The following ASIC2 variants were observed in gnomAD, a reference collection of about 807,000 sequenced individuals.
ASIC2 encodes the protein acid-sensing ion channel 2.
ASIC2 carries 25 observed loss-of-function variants against 57.3 expected under a neutral mutation model. The observed-to-expected ratio is 0.44, with a 90% CI of 0.32 to 0.61. ASIC2 has a LOEUF of 0.61. Among genes scored for constraint, ASIC2 ranks in the 20% least tolerant of loss-of-function variants. The probability of loss-of-function intolerance (pLI) is 0.06; values close to 1 mark genes in which losing one functional copy is unlikely to be tolerated. For missense variants in ASIC2, 641 were observed against 738.1 expected (o/e 0.87, Z 1.52); for synonymous variants, 319 against 307.5 (o/e 1.04, Z -0.39).
At chr17:33,509,581 G>T (rs1295585743) in intron 1 of ASIC2, among the ~76,000 whole-genome samples, 1 of 152,192 alleles carries the variant, frequency 6.6e-6, no homozygotes. Flanking sequence ...GGCTGGCGGG[G>T]CTGCGTGCCT....
At chr17:33,637,926 G>A (rs376904092) in intron 1 of ASIC2, among the ~76,000 whole-genome samples, 30 of 152,272 alleles carry the variant, frequency 2.0e-4, no homozygotes, top group East Asian at 1.2e-3. Context: ...GCTAGGGAAC[G>A]GGTGCTGCTG....
At chr17:33,024,111 G>A in intron 5 of ASIC2, 97 bp from the exon 6 acceptor site, 1 of 1,507,186 alleles carries the variant, frequency 6.6e-7, no homozygotes, top group Non-Finnish European at 9.1e-7. Flanking sequence ...AAATGAGCTG[G>A]GAAGGGGCAC....
In ASIC2 at chr17:33,187,420, C is replaced by T. The variant is rs146232376; in HGVS notation, c.709-75353G>A. Among the ~76,000 whole-genome samples the T allele has an allele frequency of 4.1e-3, 628 of 152,192 alleles. 4 individuals carry two copies. Among genetic ancestry groups the T allele is most frequent in the African/African-American group, 0.014 (585 of 41,530 alleles). On this transcript the variant is annotated intron_variant, in intron 1 of 9. Transcript: ENST00000225823. Reference sequence around the variant, plus strand: ...TGCTTTCCAAGAGTTCATTAAATCCCGAAGCATGGATTTTTACACTATAGG... The same window carrying T: ...TGCTTTCCAAGAGTTCATTAAATCCTGAAGCATGGATTTTTACACTATAGG...
chr17:34,118,563 T>A (rs1443086203), intron 1 of ASIC2: 20 of 152,248 alleles, frequency 1.3e-4, no homozygotes, highest in Admixed American at 1.2e-3. Context: ...ATCAGCAGAA[T>A]ATGCATCTGG....
chr17:33,514,476 C>A (rs572674083), intron 1 of ASIC2, among the ~76,000 whole-genome samples: 2 of 152,178 alleles, frequency 1.3e-5, no homozygotes, highest in African/African-American at 4.8e-5. Flanking sequence ...TAGGAACAGG[C>A]CAAAGGGGAG....
chr17:33,661,050 C>T (rs1907244583), intron 1 of ASIC2, among the ~76,000 whole-genome samples: 1 of 152,170 alleles, frequency 6.6e-6, no homozygotes, highest in South Asian at 2.1e-4. Flanking sequence ...GCTAGCCACG[C>T]TCTGACTCTG....
At chr17:33,510,293 A>T (rs1489331945) in intron 1 of ASIC2, among the ~76,000 whole-genome samples, 2 of 152,182 alleles carry the variant, frequency 1.3e-5, no homozygotes, top group Non-Finnish European at 2.9e-5. Context: ...ATTTTTTTAA[A>T]GTGACCCAAC....
rs557788975 is a variant in ASIC2, at chr17:33,806,575, C to T, written c.555+349403G>A. On this transcript the variant is annotated intron_variant, in intron 1 of 9. Coordinates refer to the ASIC2 transcript ENST00000359872. Reference sequence around the variant, plus strand: ...CCTGCTTCTTTAAAGGATATTGCAACGAATTATTTAGCAATGCAAATCTCT... The same window carrying T: ...CCTGCTTCTTTAAAGGATATTGCAATGAATTATTTAGCAATGCAAATCTCT... 3.9e-5 allele frequency among the ~76,000 whole-genome samples: 6 copies of T among 152,330 alleles called. No homozygotes were observed. The South Asian group carries it at 6.2e-4, about 16-fold the overall frequency.
intron 1 of ASIC2, among the ~76,000 whole-genome samples, chr17:33,753,461 T>C (rs916880582): frequency 1.3e-5 from 2 of 152,176 alleles, no homozygotes; most frequent in Non-Finnish European, 2.9e-5. Context: ...ATGTAAACAA[T>C]GGACTTTAGT....
intron 1 of ASIC2, among the ~76,000 whole-genome samples, chr17:33,800,569 A>G (rs1359764572): frequency 6.6e-6 from 1 of 152,162 alleles, no homozygotes; most frequent in Non-Finnish European, 1.5e-5. Context: ...TGACAATCAT[A>G]ATAATCAAGG....
chr17:33,292,118 A>C lies in ASIC2; in HGVS notation c.-3T>G. The C allele has an allele frequency of 1.1e-5, 11 of 1,040,804 alleles. No homozygotes were observed. Among genetic ancestry groups the C allele is most frequent in the Non-Finnish European group, 1.3e-5 (11 of 868,270 alleles). The allele number at this position is 1,040,804 out of a possible 1,614,324, so 64.5% of individuals were successfully genotyped here. A position where few individuals can be genotyped will look rare whatever the true frequency, so the allele number is the denominator to read the frequency against. On this transcript the variant is annotated 5_prime_UTR_variant, in exon 1 of 10. The change abolishes an upstream ATG in the 5' untranslated region. Transcript: ENST00000225823. ...CCGGCTCCGCCAATCCGGCTCATTC[A>C]TTCAGCCCGCGGCTGGCGGCAGCGG...
chr17:33,412,559 C>G (rs551703565), intron 1 of ASIC2, among the ~76,000 whole-genome samples: 3 of 152,324 alleles, frequency 2.0e-5, no homozygotes, highest in Non-Finnish European at 4.4e-5. Context: ...AGGAGAGGCA[C>G]AGTCAGAATT....
At chr17:33,799,426 T>TCTTTCTTC (rs1567719026) in intron 1 of ASIC2, among the ~76,000 whole-genome samples, 2 of 63,584 alleles carry the variant, frequency 3.1e-5, no homozygotes, top group Non-Finnish European at 6.1e-5. Flanking sequence ...TTTCTTTCTT[T>TCTTTCTTC]CTTCTTTCTT....
rs181455884 is a variant in ASIC2, at chr17:33,065,506, G to A, written c.987+23357C>T. Among the ~76,000 whole-genome samples the A allele has an allele frequency of 3.3e-5, 5 of 152,032 alleles. No individual in the cohort carries two copies. In the East Asian group the frequency reaches 7.7e-4, roughly 24 times the overall value. On this transcript the variant is annotated intron_variant, in intron 3 of 9. Coordinates refer to ENST00000225823, the MANE Select transcript of ASIC2 (RefSeq NM_183377.2). ...TATTTTTTATTTTGTTGTAGAGTTG[G>A]GGGTCTTGCTTTGTCGCCCAGGCTG...
At chr17:33,047,852 T>G (rs945127718) in intron 3 of ASIC2, among the ~76,000 whole-genome samples, 1 of 152,206 alleles carries the variant, frequency 6.6e-6, no homozygotes, top group Admixed American at 6.5e-5. Flanking sequence ...TTGAATGCTT[T>G]GACAATTAGG....
rs1911838627 is a variant in ASIC2 at position 33,441,948 on chromosome 17, C to A, written c.556-329881G>T. On this transcript the variant is annotated intron_variant, in intron 1 of 9. Coordinates refer to the ASIC2 transcript ENST00000359872. Reference sequence around the variant, plus strand: ...TTGGGTGACTCAGGCGTAAACACAGCAATGAGTGAGAAAATATATTTCTTT... The same window carrying A: ...TTGGGTGACTCAGGCGTAAACACAGAAATGAGTGAGAAAATATATTTCTTT... 3.9e-5 allele frequency among the ~76,000 whole-genome samples: 6 copies of A among 152,172 alleles called. No individual in the cohort carries two copies. The South Asian group carries it at 1.2e-3, about 32-fold the overall frequency.
chr17:33,463,682 T>C (rs896124905), intron 1 of ASIC2, among the ~76,000 whole-genome samples: 1 of 150,644 alleles, frequency 6.6e-6, no homozygotes, highest in African/African-American at 2.4e-5. Flanking sequence ...TGGAACTAGA[T>C]AGACTCTCAG....
At chr17:33,653,815 C>G (rs1231648566) in intron 1 of ASIC2, among the ~76,000 whole-genome samples, 2 of 152,172 alleles carry the variant, frequency 1.3e-5, no homozygotes, top group African/African-American at 2.4e-5. Context: ...CACTTATGAT[C>G]TGTAAATATT....
chr17:33,712,138 C>T (rs1185590070), intron 1 of ASIC2, among the ~76,000 whole-genome samples: 1 of 152,164 alleles, frequency 6.6e-6, no homozygotes, highest in African/African-American at 2.4e-5. Context: ...AGGAGCTAAT[C>T]CCTGTCTTCT....
Sources: allele counts gnomAD v4.1 joint callset (sites outside exome capture counted in the v4.1 genomes callset), GRCh38; gene constraint gnomAD v4.1.1; transcripts MANE v1.5; gene names NCBI Gene and HGNC (gene_info 2026-07-23, HGNC 2026-07-21).